The following THSD7B variants were observed in gnomAD, a reference collection of about 807,000 sequenced individuals.
The protein encoded by THSD7B is thrombospondin type-1 domain-containing protein 7B.
In THSD7B, 138 loss-of-function variants were observed where a neutral mutation model predicts 213.6. The ratio of observed to expected loss-of-function variants is 0.65; its 90% CI spans 0.56 to 0.74. THSD7B has a LOEUF of 0.74. Ranked by LOEUF, THSD7B falls within the 30% of genes least tolerant of loss-of-function variation. The probability of loss-of-function intolerance (pLI) is 0.00; values close to 1 mark genes in which losing one functional copy is unlikely to be tolerated. For missense variants in THSD7B, 1,931 were observed against 1,991.5 expected, an observed-to-expected ratio of 0.97 and a Z score of 0.58; for synonymous variants, 742 against 687.0, an observed-to-expected ratio of 1.08 and a Z score of -1.25.
intron 2 of THSD7B, among the ~76,000 whole-genome samples, chr2:137,020,973 AG>A (rs964522153): frequency 1.3e-5 from 2 of 152,180 alleles, no homozygotes; most frequent in African/African-American, 2.4e-5. Flanking sequence ...TAATTGGCTG[AG>A]GAGCTATCTA....
At chr2:137,004,682 T>C (rs1411141958) in intron 2 of THSD7B, among the ~76,000 whole-genome samples, 13 of 152,214 alleles carry the variant, frequency 8.5e-5, no homozygotes, top group Admixed American at 7.8e-4. Context: ...TGATACCATC[T>C]CAAATTCGGG....
At chr2:136,939,600 T>G (rs1684787030) in intron 2 of THSD7B, among the ~76,000 whole-genome samples, 1 of 152,200 alleles carries the variant, frequency 6.6e-6, no homozygotes, top group African/African-American at 2.4e-5. Flanking sequence ...CCTCAGCTCT[T>G]TCCTGTCTCT....
intron 3 of THSD7B, among the ~76,000 whole-genome samples, chr2:137,067,207 C>G (rs1440763777): frequency 6.6e-6 from 1 of 152,060 alleles, no homozygotes; most frequent in Non-Finnish European, 1.5e-5. Flanking sequence ...TTTGCTTTAG[C>G]TTTTCAAACT....
At chr2:137,342,193 C>A (rs1049291108) in intron 12 of THSD7B, among the ~76,000 whole-genome samples, 3 of 151,354 alleles carry the variant, frequency 2.0e-5, no homozygotes, top group Non-Finnish European at 4.4e-5. Context: ...TGTTTTATAG[C>A]TTTTTAGTGT....
chr2:137,506,377 G>C (rs1679834998), intron 15 of THSD7B, among the ~76,000 whole-genome samples: 1 of 152,184 alleles, frequency 6.6e-6, no homozygotes, highest in Non-Finnish European at 1.5e-5. Context: ...TTTCTGGTCA[G>C]ATTAGGCATC....
At chr2:137,367,762 T>A (rs1407985340) in intron 12 of THSD7B, among the ~76,000 whole-genome samples, 1 of 152,124 alleles carries the variant, frequency 6.6e-6, no homozygotes, top group Non-Finnish European at 1.5e-5. Context: ...GATGGACACC[T>A]TCTTGATATG....
chr2:137,501,036 A>G (rs749344153), intron 15 of THSD7B, among the ~76,000 whole-genome samples: 4 of 152,174 alleles, frequency 2.6e-5, no homozygotes, highest in Non-Finnish European at 5.9e-5. Context: ...ACACAAGGGT[A>G]AAAGCAAGTG....
chr2:137,038,415 C>T (rs1558895872), intron 2 of THSD7B, among the ~76,000 whole-genome samples: 1 of 152,132 alleles, frequency 6.6e-6, no homozygotes, highest in Non-Finnish European at 1.5e-5. Flanking sequence ...ATGGAAAATC[C>T]ACACTGCTGA....
chr2:136,865,332 A>C (rs537971404), intron 1 of THSD7B, among the ~76,000 whole-genome samples: 1 of 152,230 alleles, frequency 6.6e-6, no homozygotes, highest in Non-Finnish European at 1.5e-5. Flanking sequence ...TACTTTAGCT[A>C]TAATTACCAA....
chr2:137,104,866 C>G (rs1290401796), intron 4 of THSD7B, among the ~76,000 whole-genome samples: 2 of 152,014 alleles, frequency 1.3e-5, no homozygotes, highest in African/African-American at 2.4e-5. Context: ...AGGAAGAAGT[C>G]AAATCCCTGA....
chr2:137,276,343 T>G (rs1392329816), intron 12 of THSD7B, among the ~76,000 whole-genome samples: 1 of 152,066 alleles, frequency 6.6e-6, no homozygotes, highest in Non-Finnish European at 1.5e-5. Flanking sequence ...GAAGGTTTTG[T>G]CAAGATGAGA....
chr2:137,087,730 G>A (rs1687866004), intron 3 of THSD7B, among the ~76,000 whole-genome samples: 1 of 152,142 alleles, frequency 6.6e-6, no homozygotes, highest in Non-Finnish European at 1.5e-5. Context: ...ACTGCCAAAA[G>A]CAATCTACAA....
rs1683246152 is a variant in THSD7B, at chr2:137,656,862, G to A, written c.4172G>A (p.Ser1391Asn). The A allele has an allele frequency of 6.2e-7, 1 of 1,613,856 alleles. No individual in the cohort carries two copies. Among genetic ancestry groups the A allele is most frequent in the Admixed American group, 1.7e-5 (1 of 59,998 alleles). Residue 1391 changes from serine (S) to asparagine (N), a missense_variant, in exon 23 of 28, where the codon AGC becomes AAC. Ser to Asn is a conservative substitution (Grantham distance 46). Transcript: ENST00000409968. ...GAATTAACCTGCATTGATGGAAGAA[G>A]CTTTGAGACTGTGGGCCGCCAGTCT... ...TCELTCIDGR[S>N]FETVGRQSRS... is the part of the protein sequence containing the mutation.
chr2:137,085,796 A>T (rs1306939593), intron 3 of THSD7B, among the ~76,000 whole-genome samples: 1 of 152,192 alleles, frequency 6.6e-6, no homozygotes, highest in African/African-American at 2.4e-5. Flanking sequence ...TGAGGAAAAA[A>T]TCTCAAGTGT....
chr2:137,375,053 A>G (rs896625628), intron 12 of THSD7B, among the ~76,000 whole-genome samples: 9 of 152,352 alleles, frequency 5.9e-5, no homozygotes, highest in African/African-American at 2.2e-4. Flanking sequence ...ATAACATTTT[A>G]TCAGATCTCA....
intron 5 of THSD7B, among the ~76,000 whole-genome samples, chr2:137,143,281 T>C (rs925723591): frequency 6.6e-6 from 1 of 152,174 alleles, no homozygotes; most frequent in South Asian, 2.1e-4. Context: ...CCCCAGTTTT[T>C]GTGTGTGTAA....
At chr2:137,192,972 A>G (rs1558953276) in intron 7 of THSD7B, among the ~76,000 whole-genome samples, 2 of 151,862 alleles carry the variant, frequency 1.3e-5, no homozygotes, top group African/African-American at 4.8e-5. Context: ...GTGTGTGCGT[A>G]TGTGTATGTG....
At chr2:136,892,857 T>G (rs1418948219) in intron 2 of THSD7B, among the ~76,000 whole-genome samples, 1 of 152,174 alleles carries the variant, frequency 6.6e-6, no homozygotes, top group Non-Finnish European at 1.5e-5. Flanking sequence ...TTCATACTCT[T>G]CTGTAGGCCC....
At chr2:137,586,851 T>TAGGTATATCTCCCAATGCTATCCCTCC (rs1681741478) in intron 17 of THSD7B, among the ~76,000 whole-genome samples, 1 of 152,196 alleles carries the variant, frequency 6.6e-6, no homozygotes, top group Non-Finnish European at 1.5e-5. Context: ...TTTGTGGCGT[T>TAGGTATATCTCCCAATGCTATCCCTCC]CTCTGTATTT....
Sources: gnomAD v4.1 joint callset for allele counts (sites outside exome capture counted in the v4.1 genomes callset) on GRCh38, gnomAD v4.1.1 for gene constraint, MANE v1.5 for transcripts, NCBI Gene and HGNC (gene_info 2026-07-23, HGNC 2026-07-21) for gene names.